Variants in SYTL5 observed in about 807,000 individuals in gnomAD.
SYTL5 encodes synaptotagmin-like protein 5.
A neutral mutation model predicts 55.9 loss-of-function variants in SYTL5; 34 were observed. The observed-to-expected ratio is 0.61, with a 90% CI of 0.46 to 0.81. The LOEUF (loss-of-function observed/expected upper bound fraction) is 0.81, where lower values mean the gene tolerates loss of function less well. Ranked by LOEUF, SYTL5 falls within the 30% of genes least tolerant of loss-of-function variation. SYTL5 has a pLI of 0.00. For missense variants in SYTL5, 637 were observed against 546.7 expected (o/e 1.17, Z -1.65); for synonymous variants, 221 against 188.7 (o/e 1.17, Z -1.40).
Position 38,106,779 on chromosome X carries a change from C to T in SYTL5, c.1334+8C>T, listed in dbSNP as rs1439860163. ...GAAACAGAGGACAGATGCGTAAGCA[C>T]ATAGCATGTTCCTCAGACTATTTCA... On this transcript the variant is annotated splice_region_variant and intron_variant, in intron 11 of 16. Coordinates refer to ENST00000297875, the MANE Select transcript of SYTL5 (RefSeq NM_138780.3). 1 of 1,172,338 alleles carries T rather than the reference C, an allele frequency of 8.5e-7. No individual in the cohort carries two copies. The highest frequency in any genetic ancestry group is 1.1e-6 in the Non-Finnish European group (1 of 874,940).
At chrX:37,976,799 C>CAAA in the SYTL5 span, among the ~76,000 whole-genome samples, 10 of 47,161 alleles carry the variant, frequency 2.1e-4, no homozygotes, top group South Asian at 9.7e-4. Context: ...ACTAAAAATA[C>CAAA]AAAAAAAAAA....
At chrX:38,084,600 C>T (rs1172924379) in intron 6 of SYTL5, among the ~76,000 whole-genome samples, 2 of 110,772 alleles carry the variant, frequency 1.8e-5, no homozygotes, top group Non-Finnish European at 3.8e-5. Flanking sequence ...GGGGAAAAAC[C>T]CCACACCTTT....
At chrX:37,900,704 C>A in the SYTL5 span, among the ~76,000 whole-genome samples, 1 of 111,981 alleles carries the variant, frequency 8.9e-6, no homozygotes, top group African/African-American at 3.3e-5. Flanking sequence ...GTTAAGAATT[C>A]TCTTTCCTGA....
chrX:37,989,992 C>T, the SYTL5 span, among the ~76,000 whole-genome samples: 7 of 110,852 alleles, frequency 6.3e-5, no homozygotes, highest in African/African-American at 1.3e-4. Flanking sequence ...CTGGCCTCAG[C>T]CTCCCAAGTA....
At chrX:37,916,468 A>G in the SYTL5 span, among the ~76,000 whole-genome samples, 54 of 112,386 alleles carry the variant, frequency 4.8e-4, 1 homozygote, top group Non-Finnish European at 9.4e-4. Flanking sequence ...ATAGTTATTT[A>G]TTCATACCAT....
chrX:37,927,786 C>CAA, the SYTL5 span, among the ~76,000 whole-genome samples: 2 of 110,451 alleles, frequency 1.8e-5, no homozygotes, highest in African/African-American at 6.6e-5. Context: ...AAAAACAAAA[C>CAA]AAAACAAAAC....
At chrX:37,971,253 C>G in the SYTL5 span, among the ~76,000 whole-genome samples, 7 of 110,194 alleles carry the variant, frequency 6.4e-5, no homozygotes, top group African/African-American at 2.3e-4. Flanking sequence ...AATCTTACCC[C>G]AGGCAGTTGT....
At chrX:38,116,462 T>C (rs1937490360) in intron 13 of SYTL5, among the ~76,000 whole-genome samples, 1 of 112,645 alleles carries the variant, frequency 8.9e-6, no homozygotes. Context: ...AATTCTGCCA[T>C]ATATTCCTTG....
chrX:37,902,819 T>C, the SYTL5 span, among the ~76,000 whole-genome samples: 23,517 of 110,671 alleles, frequency 0.21, 5,003 homozygotes, highest in African/African-American at 0.66. Context: ...GTCCCTGGAG[T>C]TATCAGGAAA....
At chrX:37,917,975 C>G in the SYTL5 span, among the ~76,000 whole-genome samples, 3 of 111,335 alleles carry the variant, frequency 2.7e-5, no homozygotes, top group Non-Finnish European at 5.7e-5. Context: ...GAGTTTCAAC[C>G]CCTGATGATC....
the SYTL5 span, among the ~76,000 whole-genome samples, chrX:37,972,095 A>G: frequency 9.1e-6 from 1 of 109,371 alleles, no homozygotes; most frequent in Admixed American, 9.8e-5. Flanking sequence ...GCCGCTGCAC[A>G]TCTCGGGGAG....
chrX:37,898,440 G>A, the SYTL5 span, among the ~76,000 whole-genome samples: 8 of 112,106 alleles, frequency 7.1e-5, no homozygotes, highest in South Asian at 3.7e-4. Context: ...GTCAAGGTTC[G>A]ATGGTTGAAC....
intron 1 of SYTL5, among the ~76,000 whole-genome samples, chrX:38,009,552 T>C (rs753430511): frequency 2.7e-5 from 3 of 112,195 alleles, no homozygotes; most frequent in Non-Finnish European, 5.6e-5. Flanking sequence ...TTCATTTCTT[T>C]AATTATAATG....
chrX:38,027,286 C>T (rs948132461), intron 1 of SYTL5, among the ~76,000 whole-genome samples: 17 of 112,251 alleles, frequency 1.5e-4, no homozygotes. Flanking sequence ...CCCAAGTAAA[C>T]TAAATTAGAA....
chrX:37,999,206 A>G, the SYTL5 span, among the ~76,000 whole-genome samples: 1 of 112,668 alleles, frequency 8.9e-6, no homozygotes, highest in African/African-American at 3.2e-5. Flanking sequence ...CCAATCAGTA[A>G]TAAAAACTTT....
chrX:38,123,553 C>A (rs1326246981), intron 15 of SYTL5, among the ~76,000 whole-genome samples: 2 of 111,790 alleles, frequency 1.8e-5, no homozygotes, highest in African/African-American at 6.5e-5. Context: ...TAGATTTAAG[C>A]ATAGAAGAAA....
intron 2 of SYTL5, among the ~76,000 whole-genome samples, chrX:38,038,074 C>T (rs1018963723): frequency 6.3e-5 from 7 of 111,486 alleles, no homozygotes; most frequent in African/African-American, 2.3e-4. Flanking sequence ...AGACCTTCAG[C>T]GGGTTAGACG....
At chrX:37,970,285 G>A in the SYTL5 span, among the ~76,000 whole-genome samples, 4 of 107,990 alleles carry the variant, frequency 3.7e-5, no homozygotes, top group Admixed American at 9.9e-5. Context: ...GTACAACCCC[G>A]TCATTTTTAT....
chrX:37,905,054 G>A, the SYTL5 span, among the ~76,000 whole-genome samples: 1 of 111,058 alleles, frequency 9.0e-6, no homozygotes, highest in Non-Finnish European at 1.9e-5. Context: ...CCCATGCCAT[G>A]TTTGCTGAAG....
Sources: gnomAD v4.1 joint callset for allele counts (sites outside exome capture counted in the v4.1 genomes callset) on GRCh38, gnomAD v4.1.1 for gene constraint, MANE v1.5 for transcripts, NCBI Gene and HGNC (gene_info 2026-07-23, HGNC 2026-07-21) for gene names.